OCA2: variants seen among roughly 807,000 people sequenced by gnomAD.
The protein encoded by OCA2 is OCA2 melanosomal transmembrane protein, also known as P protein.
Under a neutral mutation model 100.2 loss-of-function variants are expected in OCA2, and 77 were observed. The observed-to-expected ratio is 0.77, with a 90% confidence interval of 0.64 to 0.93. The LOEUF is 0.93. Among genes scored for constraint, OCA2 ranks in the 40% least tolerant of loss-of-function variants. OCA2 has a pLI of 0.00. For missense variants in OCA2, 1,062 were observed against 1,089.1 expected, an observed-to-expected ratio of 0.98 and a Z score of 0.35; for synonymous variants, 432 against 439.2, an observed-to-expected ratio of 0.98 and a Z score of 0.21.
At chr15:27,863,036 G>A (rs2036194049) in intron 21 of OCA2, among the ~76,000 whole-genome samples, 1 of 152,168 alleles carries the variant, frequency 6.6e-6, no homozygotes, top group Non-Finnish European at 1.5e-5. Flanking sequence ...CAGGGGCCTG[G>A]GAAGCTGGCC....
intron 23 of OCA2, among the ~76,000 whole-genome samples, chr15:27,785,978 G>A (rs2032796562): frequency 6.6e-6 from 1 of 152,098 alleles, no homozygotes; most frequent in East Asian, 1.9e-4. Context: ...AGTGAAAGAA[G>A]CCCAACACCA....
At chr15:27,874,423 A>G (rs1287429056) in intron 19 of OCA2, among the ~76,000 whole-genome samples, 1 of 152,228 alleles carries the variant, frequency 6.6e-6, no homozygotes, top group Non-Finnish European at 1.5e-5. Context: ...CCTGGCATCC[A>G]GAAGAAGCAG....
chr15:28,094,924 TGGTCCTGACACCTGCCCTGCCGGGAAG>T (rs1458752622), intron 1 of OCA2, among the ~76,000 whole-genome samples: 1 of 152,134 alleles, frequency 6.6e-6, no homozygotes, highest in Non-Finnish European at 1.5e-5. Context: ...GCGCCGGGCG[TGGTCCTGACACCTGCCCTGCCGGGAAG>T]GGGACGGCGT....
intron 3 of OCA2, among the ~76,000 whole-genome samples, chr15:28,029,431 A>G (rs570827413): frequency 1.3e-5 from 2 of 152,350 alleles, no homozygotes; most frequent in Non-Finnish European, 2.9e-5. Flanking sequence ...TTTTCTTATA[A>G]GAAGACAGAG....
At chr15:28,072,836 T>C (rs892910196) in intron 2 of OCA2, among the ~76,000 whole-genome samples, 4 of 152,142 alleles carry the variant, frequency 2.6e-5, no homozygotes, top group African/African-American at 9.7e-5. Flanking sequence ...AGGGAATCCT[T>C]ATGCACTGCC....
intron 1 of OCA2, among the ~76,000 whole-genome samples, chr15:28,096,282 G>C (rs1319885721): frequency 2.0e-5 from 3 of 151,380 alleles, no homozygotes; most frequent in Non-Finnish European, 3.0e-5. Flanking sequence ...GTCTCCGGGG[G>C]CATGGCCTGT....
chr15:27,793,108 A>G (rs1337028785), intron 23 of OCA2, among the ~76,000 whole-genome samples: 1 of 152,126 alleles, frequency 6.6e-6, no homozygotes, highest in African/African-American at 2.4e-5. Context: ...AAGAAGAAGA[A>G]CTGCAATGGA....
At chr15:27,831,733 G>A (rs1278939003) in intron 23 of OCA2, among the ~76,000 whole-genome samples, 2 of 152,200 alleles carry the variant, frequency 1.3e-5, no homozygotes, top group Non-Finnish European at 2.9e-5. Context: ...AGGCAGAGAT[G>A]AGAGGTGGAG....
chr15:27,738,392 A>G, the OCA2 span, among the ~76,000 whole-genome samples: 1 of 152,194 alleles, frequency 6.6e-6, no homozygotes, highest in Non-Finnish European at 1.5e-5. Flanking sequence ...TGTGGGGCAA[A>G]ACAAGACTGA....
At chr15:27,804,960 G>A (rs573274161) in intron 23 of OCA2, among the ~76,000 whole-genome samples, 28 of 152,358 alleles carry the variant, frequency 1.8e-4, no homozygotes, top group African/African-American at 6.0e-4. Context: ...GCAGACCCCC[G>A]CTGGACGTGC....
intron 2 of OCA2, among the ~76,000 whole-genome samples, chr15:28,060,714 G>A (rs1241980996): frequency 6.6e-6 from 1 of 152,212 alleles, no homozygotes; most frequent in Non-Finnish European, 1.5e-5. Context: ...ATTTTAACTT[G>A]CTCTACTGCC....
chr15:27,947,137 T>A (rs184277552), intron 18 of OCA2, among the ~76,000 whole-genome samples: 1 of 152,380 alleles, frequency 6.6e-6, no homozygotes, highest in Non-Finnish European at 1.5e-5. Context: ...TGGGTCTTCA[T>A]TCTGAAGGCT....
chr15:28,052,420 C>T (rs559692077), intron 2 of OCA2, among the ~76,000 whole-genome samples: 6 of 152,288 alleles, frequency 3.9e-5, no homozygotes, highest in South Asian at 2.1e-4. Context: ...AAAATAATCA[C>T]GCCTTCTGCT....
intron 18 of OCA2, among the ~76,000 whole-genome samples, chr15:27,929,848 AAAG>A (rs202029959): frequency 0.03 from 2,327 of 76,302 alleles, 98 homozygotes; most frequent in African/African-American, 0.084. Context: ...ACACTTCAAC[AAAG>A]AAGACATAAG....
At chr15:27,884,284 A>G (rs1302904131) in intron 19 of OCA2, among the ~76,000 whole-genome samples, 1 of 152,216 alleles carries the variant, frequency 6.6e-6, no homozygotes, top group East Asian at 1.9e-4. Flanking sequence ...CTGAGGTGGG[A>G]TGACTACTTG....
At chr15:27,735,724 G>GAAAAAAACAAAAC in the OCA2 span, among the ~76,000 whole-genome samples, 2 of 151,080 alleles carry the variant, frequency 1.3e-5, no homozygotes, top group East Asian at 3.9e-4. Context: ...AGTACTGAAG[G>GAAAAAAACAAAAC]AAAAAAACAA....
In OCA2 at chr15:27,871,260, T is replaced by C; in HGVS notation, c.2140-2A>G. 2 of 1,611,450 alleles carry C rather than the reference T, an allele frequency of 1.2e-6. No individual in the cohort carries two copies. Among genetic ancestry groups the C allele is most frequent in the Middle Eastern group, 1.7e-4 (1 of 6,056 alleles). ...GAGGCGCTGCTCCTCTGGGACCATCTGGAAGGAGGACAATAGCAGCTGCAG... is the reference window on the plus strand; with the variant it reads ...GAGGCGCTGCTCCTCTGGGACCATCCGGAAGGAGGACAATAGCAGCTGCAG... On this transcript the variant is annotated splice_acceptor_variant, in intron 20 of 23. Coordinates refer to ENST00000354638, the MANE Select transcript of OCA2 (RefSeq NM_000275.3). LOFTEE classifies it high-confidence loss of function.
intron 1 of OCA2, among the ~76,000 whole-genome samples, chr15:28,092,190 T>A (rs1297254342): frequency 1.3e-5 from 2 of 151,980 alleles, no homozygotes; most frequent in East Asian, 3.9e-4. Flanking sequence ...GGAAATAAAA[T>A]AAAATAAATT....
chr15:27,987,017 G>A (rs551721367), intron 11 of OCA2, among the ~76,000 whole-genome samples: 41 of 152,306 alleles, frequency 2.7e-4, no homozygotes, highest in African/African-American at 9.1e-4. Flanking sequence ...GAAGCCGGGC[G>A]GGAGCCAGCA....
Sources: allele counts gnomAD v4.1 joint callset (sites outside exome capture counted in the v4.1 genomes callset), GRCh38; gene constraint gnomAD v4.1.1; transcripts MANE v1.5; gene names NCBI Gene and HGNC (gene_info 2026-07-23, HGNC 2026-07-21).